TRPM3: variants seen among roughly 807,000 people sequenced by gnomAD.
The protein encoded by TRPM3 is long transient receptor potential channel 3.
TRPM3 carries 77 observed loss-of-function variants against 181.2 expected under a neutral mutation model. The ratio of observed to expected loss-of-function variants is 0.42; its 90% CI spans 0.35 to 0.51. The LOEUF (loss-of-function observed/expected upper bound fraction) is 0.51, where lower values mean the gene tolerates loss of function less well. Ranked by LOEUF, TRPM3 falls within the 20% of genes least tolerant of loss-of-function variation. TRPM3 has a pLI of 0.01. For synonymous variants in TRPM3, 745 were observed against 796.4 expected, an observed-to-expected ratio of 0.94 and a Z score of 1.09; for missense variants, 1,759 against 2,196.7, an observed-to-expected ratio of 0.80 and a Z score of 3.98.
chr9:70,750,677 C>T (rs1422381233), intron 8 of TRPM3, among the ~76,000 whole-genome samples: 4 of 152,090 alleles, frequency 2.6e-5, no homozygotes, highest in East Asian at 1.9e-4. Flanking sequence ...TGGCTGGTGG[C>T]GGTGGCAATG....
intron 9 of TRPM3, among the ~76,000 whole-genome samples, chr9:70,673,334 C>A (rs1177288229): frequency 6.6e-6 from 1 of 151,750 alleles, no homozygotes; most frequent in Non-Finnish European, 1.5e-5. Context: ...GTAAAATGGA[C>A]CACCAAGAAA....
chr9:70,949,215 T>A (rs1285893957), intron 1 of TRPM3, among the ~76,000 whole-genome samples: 1 of 152,066 alleles, frequency 6.6e-6, no homozygotes, highest in Admixed American at 6.6e-5. Context: ...GTCTTTTTTT[T>A]TTAATTTTTA....
chr9:70,660,303 A>G (rs2060942995), intron 9 of TRPM3, among the ~76,000 whole-genome samples: 1 of 152,152 alleles, frequency 6.6e-6, no homozygotes, highest in African/African-American at 2.4e-5. Context: ...GCTTACTGAG[A>G]TAAATGCATA....
chr9:70,966,750 A>T (rs1279314991), intron 1 of TRPM3, among the ~76,000 whole-genome samples: 1 of 151,946 alleles, frequency 6.6e-6, no homozygotes, highest in African/African-American at 2.4e-5. Context: ...GGAGGGTGGG[A>T]GGAGGGAAAG....
chr9:71,147,032 G>A (rs753368997), intron 1 of TRPM3, among the ~76,000 whole-genome samples: 2 of 152,060 alleles, frequency 1.3e-5, no homozygotes, highest in African/African-American at 2.4e-5. Context: ...GGGGCTAGCC[G>A]AACTGAAAGA....
intron 1 of TRPM3, among the ~76,000 whole-genome samples, chr9:70,997,427 C>T (rs1292845197): frequency 6.6e-6 from 1 of 152,182 alleles, no homozygotes; most frequent in Non-Finnish European, 1.5e-5. Context: ...GAACTCCTGA[C>T]CTCGTGATCT....
At chr9:70,837,407 CAT>C (rs1297539199) in intron 5 of TRPM3, among the ~76,000 whole-genome samples, 2 of 152,272 alleles carry the variant, frequency 1.3e-5, no homozygotes, top group Admixed American at 1.3e-4. Flanking sequence ...AAATAGAAGA[CAT>C]CATTGAATGT....
intron 1 of TRPM3, among the ~76,000 whole-genome samples, chr9:71,032,429 C>A (rs1360802607): frequency 6.6e-6 from 1 of 151,342 alleles, no homozygotes; most frequent in Non-Finnish European, 1.5e-5. Flanking sequence ...TTTTTTCTAC[C>A]ACTACACTGA....
chr9:70,979,348 G>A (rs2909296), intron 1 of TRPM3, among the ~76,000 whole-genome samples: 103,453 of 152,014 alleles, frequency 0.68, 35,334 homozygotes, highest in South Asian at 0.73. Flanking sequence ...ATTCACTCAT[G>A]CTAAGTACAA....
chr9:71,231,912 C>G (rs1036036961), intron 1 of TRPM3, among the ~76,000 whole-genome samples: 1 of 152,034 alleles, frequency 6.6e-6, no homozygotes, highest in Admixed American at 6.6e-5. Context: ...AACCCTTGAA[C>G]CTAAAAGTCG....
At position 70,610,735 on chromosome 9, in the gene TRPM3, T is replaced by G; in HGVS notation, c.2541A>C (p.Arg847=). 6.2e-7 allele frequency: 1 copy of G among 1,614,148 alleles called. No homozygotes were observed. Residue 847 remains arginine, a synonymous_variant, in exon 19 of 26, where the codon CGA becomes CGC. Coordinates refer to ENST00000677713, the MANE Select transcript of TRPM3 (RefSeq NM_001366145.2). The part of the protein sequence containing the change: ...EDMELTAMLG[R]NNGESSRKKD... ...TCTTCCTGGAGGACTCCCCGTTGTT[T>G]CGTCCCAACATTGCCTATGTTGGAA...
chr9:71,032,083 A>AAT lies in TRPM3; in HGVS notation c.177+89094_177+89095insAT, dbSNP rs369092047. ...TTATATATATTATATTATATTATAT[A>AAT]TATATAATTATATAATATTATATAT... On this transcript the variant is annotated intron_variant, in intron 1 of 25. Coordinates refer to ENST00000677713, the MANE Select transcript of TRPM3 (RefSeq NM_001366145.2). Among the ~76,000 whole-genome samples the AAT allele has an allele frequency of 6.3e-3, 22 of 3,484 alleles. 3 individuals carry two copies. Among genetic ancestry groups the AAT allele is most frequent in the South Asian group, 0.027 (3 of 110 alleles). The allele number at this position is 3,484 out of a possible 152,430, so 2.3% of individuals were successfully genotyped here.
chr9:70,883,306 A>G (rs1454751907), intron 1 of TRPM3, among the ~76,000 whole-genome samples: 2 of 152,192 alleles, frequency 1.3e-5, no homozygotes, highest in East Asian at 1.9e-4. Context: ...CTAACCAATT[A>G]TAATCCCTTT....
intron 1 of TRPM3, among the ~76,000 whole-genome samples, chr9:71,445,847 TA>T (rs1406007953): frequency 6.6e-6 from 1 of 152,212 alleles, no homozygotes; most frequent in East Asian, 1.9e-4. Flanking sequence ...AAAAGTGGTG[TA>T]TCCTCCTTCC....
intron 1 of TRPM3, among the ~76,000 whole-genome samples, chr9:71,200,195 C>T (rs1391412986): frequency 1.3e-5 from 2 of 152,054 alleles, no homozygotes; most frequent in African/African-American, 4.8e-5. Flanking sequence ...GAGTGAGTTT[C>T]TTAATCCTGA....
intron 1 of TRPM3, among the ~76,000 whole-genome samples, chr9:71,107,319 A>T (rs1367105813): frequency 2.0e-5 from 3 of 152,006 alleles, no homozygotes; most frequent in African/African-American, 7.2e-5. Context: ...TTAATCCTGA[A>T]TAGTTTTTTC....
chr9:70,610,835 A>C (rs1457105640), intron 18 of TRPM3, 86 bp from the exon 19 acceptor site: 1 of 1,516,768 alleles, frequency 6.6e-7, no homozygotes, highest in Non-Finnish European at 9.0e-7. Context: ...TGAGGAAAGG[A>C]TGCTCATAGA....
intron 22 of TRPM3, among the ~76,000 whole-genome samples, chr9:70,570,366 C>T (rs1026390549): frequency 7.6e-5 from 10 of 132,258 alleles, no homozygotes; most frequent in South Asian, 7.3e-4. Context: ...TGGAGTGCAG[C>T]GGCACGATCT....
chr9:70,771,589 G>T (rs1037056295), intron 7 of TRPM3, among the ~76,000 whole-genome samples: 2 of 152,124 alleles, frequency 1.3e-5, no homozygotes, highest in East Asian at 1.9e-4. Context: ...GTGTGGTGGG[G>T]GTGAAAGTGG....
Sources: allele counts gnomAD v4.1 joint callset (sites outside exome capture counted in the v4.1 genomes callset), GRCh38; gene constraint gnomAD v4.1.1; transcripts MANE v1.5; gene names NCBI Gene and HGNC (gene_info 2026-07-23, HGNC 2026-07-21).